EBF3: variants seen among roughly 807,000 people sequenced by gnomAD.
The protein encoded by EBF3 is transcription factor COE3.
Under a neutral mutation model 77.1 loss-of-function variants are expected in EBF3, and 18 were observed. That is an observed-to-expected ratio of 0.23 (90% confidence interval 0.16 to 0.35). The LOEUF (loss-of-function observed/expected upper bound fraction) is 0.35, where lower values mean the gene tolerates loss of function less well. EBF3 is among the 10% of genes least tolerant of loss of function. The pLI is 1.00. For synonymous variants in EBF3, 350 were observed against 343.5 expected, an observed-to-expected ratio of 1.02 and a Z score of -0.21; for missense variants, 558 against 860.0, an observed-to-expected ratio of 0.65 and a Z score of 4.39.
rs1032616516 is a variant in EBF3, at chr10:129,879,783, C to T, written c.555-1934G>A. 2.0e-5 allele frequency among the ~76,000 whole-genome samples: 3 copies of T among 152,204 alleles called. No individual in the cohort carries two copies. Among genetic ancestry groups the T allele is most frequent in the Non-Finnish European group, 4.4e-5 (3 of 68,044 alleles). On this transcript the variant is annotated intron_variant, in intron 6 of 16. Coordinates refer to ENST00000440978, the MANE Select transcript of EBF3 (RefSeq NM_001375380.1). The surrounding 1 kb of genome is among the most constrained non-coding windows in gnomAD (Gnocchi z 4.7). Reference sequence around the variant, plus strand: ...CAGCGAGGTAAATGAGGCGCACCTGCGGCCACACTGCATTTGAACTGCATC... The same window carrying T: ...CAGCGAGGTAAATGAGGCGCACCTGTGGCCACACTGCATTTGAACTGCATC...
intron 14 of EBF3, 41 bp downstream of exon 14, chr10:129,840,803 A>G (rs745968815): frequency 1.3e-6 from 2 of 1,590,554 alleles, no homozygotes; most frequent in Non-Finnish European, 1.7e-6. Context: ...GGTAGTGAAT[A>G]TGAATCTGCG....
chr10:129,898,509 C>A (rs766418563), intron 6 of EBF3, among the ~76,000 whole-genome samples: 15 of 152,302 alleles, frequency 9.8e-5, no homozygotes, highest in Non-Finnish European at 2.2e-4. Context: ...GACCGCCCCC[C>A]ACCCCAACCC....
rs1415732430 is a variant in EBF3 at position 129,963,301 on chromosome 10, C to G, written c.291+66G>C. 4 of 1,543,378 alleles carry G rather than the reference C, an allele frequency of 2.6e-6. No individual in the cohort carries two copies. In the Admixed American group the frequency reaches 7.9e-5, roughly 30 times the overall value. On this transcript the variant is annotated intron_variant, in intron 2 of 16. Transcript: ENST00000440978. The surrounding 1 kb of genome is among the most constrained non-coding windows in gnomAD (Gnocchi z 7.1). ...GCCTAGGGGGGCACTCGAACCCCCG[C>G]GCACCGGCACCGCCTGCCTCCCGCT...
Position 129,897,893 on chromosome 10 carries a change from G to T in EBF3, c.555-20044C>A, listed in dbSNP as rs1854506304. 6.6e-6 allele frequency among the ~76,000 whole-genome samples: 1 copy of T among 152,180 alleles called. No individual in the cohort carries two copies. Among genetic ancestry groups the T allele is most frequent in the South Asian group, 2.1e-4 (1 of 4,818 alleles). ...TTTGTTCCAGCATCCTCCAAATGCT[G>T]CAATTTCTGCCCTTTTCCTGGTGAG... On this transcript the variant is annotated intron_variant, in intron 6 of 16. Transcript: ENST00000440978. The surrounding 1 kb of genome is among the most constrained non-coding windows in gnomAD (Gnocchi z 4.6).
intron 6 of EBF3, among the ~76,000 whole-genome samples, chr10:129,907,638 G>C (rs1028701105): frequency 6.6e-6 from 1 of 152,114 alleles, no homozygotes; most frequent in Non-Finnish European, 1.5e-5. Context: ...TAATTATTAA[G>C]GTTGAATAAA....
In EBF3 at chr10:129,842,762, T is replaced by TAAAAAA. The variant is rs35249799; in HGVS notation, c.1194+369_1194+374dup. ...CTGGGTGACAGAGCAAGACCCTGTC[T>TAAAAAA]AAAAAAAAAAAAAAAAAAAGGGAGC... On this transcript the variant is annotated intron_variant, in intron 12 of 16. Coordinates refer to ENST00000440978, the MANE Select transcript of EBF3 (RefSeq NM_001375380.1). The surrounding 1 kb of genome is among the most constrained non-coding windows in gnomAD (Gnocchi z 4.4). Among the ~76,000 whole-genome samples the TAAAAAA allele has an allele frequency of 1.8e-5, 2 of 112,738 alleles. No homozygotes were observed. The highest frequency in any genetic ancestry group is 3.6e-5 in the African/African-American group (1 of 27,680). The allele number at this position is 112,738 out of a possible 152,430, so 74.0% of individuals were successfully genotyped here.
intron 11 of EBF3, among the ~76,000 whole-genome samples, chr10:129,847,655 T>C (rs747593654): frequency 1.3e-5 from 2 of 152,236 alleles, no homozygotes; most frequent in African/African-American, 4.8e-5. Flanking sequence ...TATGACTTCA[T>C]TTTTCATTTT....
intron 8 of EBF3, among the ~76,000 whole-genome samples, chr10:129,869,326 G>T (rs1424909165): frequency 6.6e-6 from 1 of 152,160 alleles, no homozygotes; most frequent in Non-Finnish European, 1.5e-5. Flanking sequence ...AACCTCGAGG[G>T]CTACTGGCCC....
intron 4 of EBF3, among the ~76,000 whole-genome samples, chr10:129,961,142 C>T (rs1270636041): frequency 6.6e-6 from 1 of 152,190 alleles, no homozygotes; most frequent in Non-Finnish European, 1.5e-5. Context: ...TGCTGGGCTG[C>T]AGGAAGCCCC....
chr10:129,955,803 A>G (rs1564924127), intron 6 of EBF3, among the ~76,000 whole-genome samples: 3 of 152,268 alleles, frequency 2.0e-5, no homozygotes, highest in Admixed American at 6.5e-5. Flanking sequence ...CACACAAAAG[A>G]TGAAACACTT....
chr10:129,867,994 C>T (rs756943420), intron 8 of EBF3, 82 bp from the exon 9 acceptor site: 75 of 1,556,106 alleles, frequency 4.8e-5, no homozygotes, highest in Middle Eastern at 3.8e-4. Flanking sequence ...GCGCGTCCCG[C>T]GGCCACCGCG....
chr10:129,865,094 A>C lies in EBF3; in HGVS notation c.1039+2047T>G, dbSNP rs191985916. Among the ~76,000 whole-genome samples, 36 of 152,194 alleles carry C rather than the reference A, an allele frequency of 2.4e-4. 1 individual carries two copies. The highest frequency in any genetic ancestry group is 3.4e-3 in the Middle Eastern group (1 of 294). ...CCTCTACAGCCAGATGTGCCAAGGG[A>C]CTCAGGGGCATGTGGTACACATACC... On this transcript the variant is annotated intron_variant, in intron 10 of 16. Transcript: ENST00000440978.
intron 16 of EBF3, among the ~76,000 whole-genome samples, chr10:129,838,184 C>G (rs1849741398): frequency 6.6e-6 from 1 of 152,248 alleles, no homozygotes; most frequent in Non-Finnish European, 1.5e-5. Context: ...CCTCCTGCAG[C>G]CCTCCTCAAA....
intron 6 of EBF3, among the ~76,000 whole-genome samples, chr10:129,930,077 G>C (rs75500940): frequency 2.1e-3 from 313 of 152,268 alleles, no homozygotes; most frequent in African/African-American, 7.2e-3. Flanking sequence ...CCCTGTCCCT[G>C]GACATCAGAA....
chr10:129,842,261 G>A lies in EBF3; in HGVS notation c.1227C>T (p.Ala409=), dbSNP rs775405470. The change falls in exon 13 of 17, where the codon GCC becomes GCT. Residue 409 remains alanine (A), a synonymous_variant. Coordinates refer to ENST00000440978, the MANE Select transcript of EBF3 (RefSeq NM_001375380.1). This position sits in a 1 kb window ranked among gnomAD's most constrained non-coding sequence, Gnocchi z 4.4. ...TGCGGGGAACGCTGTACAGCGCCTC[G>A]GCGATGTCCGCCGCTCGCTTCAAGA... is the stretch of plus-strand genomic sequence containing the variant. ...EIILKRAADI[A]EALYSVPRNH... 1.2e-5 allele frequency: 19 copies of A among 1,609,630 alleles called. No homozygotes were observed. The highest frequency in any genetic ancestry group is 8.0e-5 in the African/African-American group (6 of 74,828).
At chr10:129,896,428 C>T (rs1854379596) in intron 6 of EBF3, among the ~76,000 whole-genome samples, 1 of 152,266 alleles carries the variant, frequency 6.6e-6, no homozygotes, top group South Asian at 2.1e-4. Flanking sequence ...GGCCACGCGG[C>T]CACCGTCAGC....
rs1554892411 is a variant in EBF3 at position 129,841,046 on chromosome 10, C to CCCG, written c.1373-15_1373-14insCGG. 1.3e-5 allele frequency: 21 copies of CCCG among 1,602,488 alleles called. No individual in the cohort carries two copies. The highest frequency in any genetic ancestry group is 6.7e-5 in the East Asian group (3 of 44,798). The stretch of plus-strand genomic sequence containing the variant: ...GACTGTAGCCGACTGTTGAAATCCC[C>CCCG]CCCCCGGCCAAAAATAACATTATTA... On this transcript the variant is annotated splice_polypyrimidine_tract_variant and intron_variant, in intron 13 of 16. Transcript: ENST00000440978. This position sits in a 1 kb window ranked among gnomAD's most constrained non-coding sequence, Gnocchi z 4.6.
chr10:129,891,211 C>A (rs1343805274), intron 6 of EBF3, among the ~76,000 whole-genome samples: 1 of 152,048 alleles, frequency 6.6e-6, no homozygotes, highest in Non-Finnish European at 1.5e-5. Flanking sequence ...GACTTTAATA[C>A]TCTCCCATCA....
At chr10:129,859,514 C>G (rs1851476347) in intron 10 of EBF3, among the ~76,000 whole-genome samples, 1 of 152,246 alleles carries the variant, frequency 6.6e-6, no homozygotes, top group African/African-American at 2.4e-5. Flanking sequence ...CATGAGCCAC[C>G]ACGCCTAGCC....
Sources: allele counts gnomAD v4.1 joint callset (sites outside exome capture counted in the v4.1 genomes callset), GRCh38; gene constraint gnomAD v4.1.1; non-coding constraint Gnocchi (gnomAD v3.1); transcripts MANE v1.5; gene names NCBI Gene and HGNC (gene_info 2026-07-23, HGNC 2026-07-21).